The following ARHGEF4 variants were observed in gnomAD, a reference collection of about 807,000 sequenced individuals.
ARHGEF4 encodes Rho guanine nucleotide exchange factor 4, also known as APC-stimulated guanine nucleotide exchange factor 1.
ARHGEF4 carries 119 observed loss-of-function variants against 162.0 expected under a neutral mutation model. That is an observed-to-expected ratio of 0.73 (90% CI 0.63 to 0.86). ARHGEF4 has a LOEUF of 0.86. Among genes scored for constraint, ARHGEF4 ranks in the 40% least tolerant of loss-of-function variants. ARHGEF4 has a pLI of 0.00. For synonymous variants in ARHGEF4, 1,014 were observed against 979.9 expected (o/e 1.03, Z -0.65); for missense variants, 2,488 against 2,456.0 (o/e 1.01, Z -0.28).
intron 2 of ARHGEF4, among the ~76,000 whole-genome samples, chr2:130,920,438 T>C (rs1311480125): frequency 6.6e-6 from 1 of 152,172 alleles, no homozygotes; most frequent in Non-Finnish European, 1.5e-5. Context: ...CCTCTTTATG[T>C]TTCATTCCTT....
intron 4 of ARHGEF4, among the ~76,000 whole-genome samples, chr2:131,016,469 G>GC (rs908906249): frequency 6.6e-6 from 1 of 152,220 alleles, no homozygotes; most frequent in Non-Finnish European, 1.5e-5. Flanking sequence ...CCTGCCCAGT[G>GC]CCCCCCATGC....
At chr2:130,844,560 C>G in intron 1 of ARHGEF4, among the ~76,000 whole-genome samples, 1 of 152,126 alleles carries the variant, frequency 6.6e-6, no homozygotes, top group East Asian at 1.9e-4. Context: ...TGCCCATGCT[C>G]GAGAAGAGGT....
At chr2:130,922,748 C>T (rs1409977203) in intron 2 of ARHGEF4, among the ~76,000 whole-genome samples, 1 of 131,460 alleles carries the variant, frequency 7.6e-6, no homozygotes, top group Non-Finnish European at 1.7e-5. Context: ...ATTTAAAGGG[C>T]TCACATTCCT....
At chr2:130,988,804 G>C (rs146058461) in intron 4 of ARHGEF4, among the ~76,000 whole-genome samples, 363 of 142,762 alleles carry the variant, frequency 2.5e-3, no homozygotes, top group Non-Finnish European at 4.4e-3. Flanking sequence ...TAATTTTCTA[G>C]TATTTTAAGC....
intron 4 of ARHGEF4, among the ~76,000 whole-genome samples, chr2:130,987,203 G>A (rs928557068): frequency 3.3e-5 from 5 of 152,330 alleles, no homozygotes; most frequent in African/African-American, 9.6e-5. Flanking sequence ...GCTGGCTCTG[G>A]AAGGAGGAAG....
At chr2:131,001,302 CAAA>C (rs70994730) in intron 4 of ARHGEF4, among the ~76,000 whole-genome samples, 5 of 31,156 alleles carry the variant, frequency 1.6e-4, no homozygotes, top group African/African-American at 4.9e-4. Context: ...GACTGTGTCT[CAAA>C]AAAAAAAAAA....
Position 130,991,356 on chromosome 2 carries a change from A to C in ARHGEF4, c.3986-36589A>C, listed in dbSNP as rs375284036. ...GCTCCCATTTTGGCGGCACTTGAGGAGGCCTTCAGCCCACCACTGCGGTGT... is the reference window on the plus strand; with the variant it reads ...GCTCCCATTTTGGCGGCACTTGAGGCGGCCTTCAGCCCACCACTGCGGTGT... On this transcript the variant is annotated intron_variant, in intron 4 of 13. Transcript: ENST00000409359. 3.1e-4 allele frequency among the ~76,000 whole-genome samples: 47 copies of C among 152,332 alleles called. 2 individuals carry two copies. The highest frequency in any genetic ancestry group is 2.7e-3 in the East Asian group (14 of 5,178).
At chr2:130,981,163 A>G (rs1303639836) in intron 4 of ARHGEF4, among the ~76,000 whole-genome samples, 1 of 152,200 alleles carries the variant, frequency 6.6e-6, no homozygotes, top group African/African-American at 2.4e-5. Context: ...CAAATTTCAA[A>G]TGGCTGTTGT....
intron 4 of ARHGEF4, among the ~76,000 whole-genome samples, chr2:130,965,858 T>G (rs1684966714): frequency 1.3e-5 from 2 of 151,892 alleles, no homozygotes; most frequent in African/African-American, 2.4e-5. Flanking sequence ...TGCATGAAGA[T>G]CTGGAGAGAG....
chr2:130,970,198 G>A (rs1685266897), intron 4 of ARHGEF4, among the ~76,000 whole-genome samples: 1 of 152,176 alleles, frequency 6.6e-6, no homozygotes, highest in Non-Finnish European at 1.5e-5. Context: ...GTGTTTCACT[G>A]TATAAGAAAC....
intron 2 of ARHGEF4, among the ~76,000 whole-genome samples, chr2:130,920,424 T>C (rs916683526): frequency 2.0e-5 from 3 of 152,204 alleles, no homozygotes; most frequent in African/African-American, 7.2e-5. Flanking sequence ...TGTGAGTTCG[T>C]ATTCCTCTTT....
At chr2:130,929,568 C>T (rs866670872) in intron 2 of ARHGEF4, among the ~76,000 whole-genome samples, 5 of 152,118 alleles carry the variant, frequency 3.3e-5, no homozygotes, top group Non-Finnish European at 5.9e-5. Context: ...TAAACTCTAT[C>T]GAGGAGCTTT....
chr2:131,043,903 T>G (rs374176148), intron 11 of ARHGEF4, among the ~76,000 whole-genome samples: 125 of 152,246 alleles, frequency 8.2e-4, no homozygotes, highest in African/African-American at 2.8e-3. Context: ...CGGAGTCCCC[T>G]GCTCTAGCCA....
At chr2:130,885,699 A>G (rs1454910228) in intron 1 of ARHGEF4, among the ~76,000 whole-genome samples, 1 of 149,524 alleles carries the variant, frequency 6.7e-6, no homozygotes, top group Non-Finnish European at 1.5e-5. Flanking sequence ...CCTCCCGAGC[A>G]GCTGGGACTA....
chr2:130,899,889 A>G (rs1680388276), intron 1 of ARHGEF4, among the ~76,000 whole-genome samples: 1 of 152,168 alleles, frequency 6.6e-6, no homozygotes, highest in Non-Finnish European at 1.5e-5. Context: ...TTGCAGATGT[A>G]TGATCATGTA....
At chr2:130,985,115 G>A (rs548948703) in intron 4 of ARHGEF4, among the ~76,000 whole-genome samples, 1 of 152,236 alleles carries the variant, frequency 6.6e-6, no homozygotes, top group South Asian at 2.1e-4. Context: ...GGCCCAAAAA[G>A]GACATGCACC....
At position 130,915,449 on chromosome 2, in the gene ARHGEF4, C is replaced by A; in HGVS notation, c.1503C>A (p.Asn501Lys). 1 of 1,550,538 alleles carries A rather than the reference C, an allele frequency of 6.4e-7. No individual in the cohort carries two copies. Among genetic ancestry groups the A allele is most frequent in the South Asian group, 1.2e-5 (1 of 84,054 alleles). ...HLWGISVQAG[N>K]QTSNYTSKYV... The stretch of plus-strand genomic sequence containing the variant: ...GGGGCATTTCTGTCCAGGCAGGAAA[C>A]CAAACCAGTAATTACACATCAAAGT... The change falls in exon 2 of 14, where the codon AAC (asparagine) becomes AAA (lysine). Residue 501 changes from asparagine to lysine, a missense_variant. By Grantham distance (94) the Asn-to-Lys change is moderately conservative (BLOSUM62 0). Transcript: ENST00000409359.
intron 1 of ARHGEF4, among the ~76,000 whole-genome samples, chr2:130,880,103 T>A (rs1351702279): frequency 1.3e-5 from 2 of 152,222 alleles, no homozygotes; most frequent in African/African-American, 4.8e-5. Context: ...CTCAACAGCC[T>A]GTGCAGCCTC....
intron 1 of ARHGEF4, among the ~76,000 whole-genome samples, chr2:130,909,735 T>C (rs1175157526): frequency 1.3e-5 from 2 of 152,092 alleles, no homozygotes; most frequent in African/African-American, 4.8e-5. Flanking sequence ...CAGGCGCCTC[T>C]GCTGGCTGAT....
Sources: gnomAD v4.1 joint callset for allele counts (sites outside exome capture counted in the v4.1 genomes callset) on GRCh38, gnomAD v4.1.1 for gene constraint, MANE v1.5 for transcripts, NCBI Gene and HGNC (gene_info 2026-07-23, HGNC 2026-07-21) for gene names.